The following SGSM2 variants were observed in gnomAD, a reference collection of about 807,000 sequenced individuals.
SGSM2 encodes RUN and TBC1 domain containing 1.
A neutral mutation model predicts 126.6 loss-of-function variants in SGSM2; 89 were observed. The ratio of observed to expected loss-of-function variants is 0.70; its 90% CI spans 0.59 to 0.84. The LOEUF (loss-of-function observed/expected upper bound fraction) is 0.84, where lower values mean the gene tolerates loss of function less well. SGSM2 is among the 40% of genes least tolerant of loss of function. SGSM2 has a pLI of 0.00. For missense variants in SGSM2, 1,404 were observed against 1,416.6 expected, an observed-to-expected ratio of 0.99 and a Z score of 0.14; for synonymous variants, 614 against 574.3, an observed-to-expected ratio of 1.07 and a Z score of -0.99.
rs201610701 is a variant in SGSM2 at position 2,367,352 on chromosome 17, C to T, written c.1370C>T (p.Ala457Val). 57 of 1,614,074 alleles carry T rather than the reference C, an allele frequency of 3.5e-5. No homozygotes were observed. The highest frequency in any genetic ancestry group is 3.6e-5 in the Non-Finnish European group (43 of 1,180,034). ...DDEEEEDKLH[A>V]MLSMICSRNL... The stretch of plus-strand genomic sequence containing the variant: ...GAGGAAGAGGAGGATAAACTGCACG[C>T]GATGCTCTCAATGATCTGCTCGCGG... The change falls in exon 12 of 24, where the codon GCG (alanine) becomes GTG (valine). Residue 457 changes from alanine (A) to valine (V), a missense_variant. Physicochemically the swap from Ala to Val is moderately conservative, Grantham distance 64 (BLOSUM62 0). Coordinates refer to ENST00000268989, the MANE Select transcript of SGSM2 (RefSeq NM_014853.3). The surrounding 1 kb of genome is among the most constrained non-coding windows in gnomAD (Gnocchi z 4.0).
At position 2,363,584 on chromosome 17, in the gene SGSM2, C is replaced by T. The variant is rs747636899; in HGVS notation, c.792C>T (p.His264=). ...SRTRLLYGKN[H]VLVQPKEDME... is the part of the protein sequence containing the mutation. ...CGCGGCTGCTCTATGGCAAGAACCACGTGCTGGTGCAGCCGGTAGGAAAGC... is the reference window on the plus strand; with the variant it reads ...CGCGGCTGCTCTATGGCAAGAACCATGTGCTGGTGCAGCCGGTAGGAAAGC... The change falls in exon 7 of 24, where the codon CAC becomes CAT. Residue 264 remains histidine, a synonymous_variant. Transcript: ENST00000268989. This position sits in a 1 kb window ranked among gnomAD's most constrained non-coding sequence, Gnocchi z 4.2. 1.9e-5 allele frequency: 31 copies of T among 1,612,844 alleles called. No individual in the cohort carries two copies. Among genetic ancestry groups the T allele is most frequent in the East Asian group, 2.2e-5 (1 of 44,866 alleles).
rs948033682 is a variant in SGSM2 at position 2,337,879 on chromosome 17, G to A, written c.57+134G>A. 1.9e-5 allele frequency: 9 copies of A among 466,346 alleles called. No homozygotes were observed. The highest frequency in any genetic ancestry group is 2.7e-5 in the Non-Finnish European group (8 of 291,298). 28.9% of individuals were successfully genotyped at this position (466,346 alleles called of 1,614,324 possible). A position where few individuals can be genotyped will look rare whatever the true frequency, so the allele number is the denominator to read the frequency against. On this transcript the variant is annotated intron_variant, in intron 1 of 23. Transcript: ENST00000268989. This position sits in a 1 kb window ranked among gnomAD's most constrained non-coding sequence, Gnocchi z 5.1. Reference sequence around the variant, plus strand: ...GCCGGGCGGGGCGGGTCCTGGACGGGCTGCGCCTCCTTCCCCTTTCTCGGA... The same window carrying A: ...GCCGGGCGGGGCGGGTCCTGGACGGACTGCGCCTCCTTCCCCTTTCTCGGA...
In SGSM2 at chr17:2,371,277, T is replaced by G. The variant is rs768176977; in HGVS notation, c.1439T>G (p.Ile480Ser). 1 of 1,612,030 alleles carries G rather than the reference T, an allele frequency of 6.2e-7. No homozygotes were observed. The highest frequency in any genetic ancestry group is 1.1e-5 in the South Asian group (1 of 91,022). Reference sequence around the variant, plus strand: ...CTGCCCGCAGACGCTGGTGACATGATCGAGATGCAGGGCTTTGGGCCCAGC... The same window carrying G: ...CTGCCCGCAGACGCTGGTGACATGAGCGAGATGCAGGGCTTTGGGCCCAGC... ...PNPMKDAGDM[I>S]EMQGFGPSLP... is the part of the protein sequence containing the mutation. The change falls in exon 13 of 24, where the codon ATC becomes AGC. Residue 480 changes from isoleucine (I) to serine (S), a missense_variant. By Grantham distance (142) the Ile-to-Ser change is moderately radical. Transcript: ENST00000268989.
intron 8 of SGSM2, 85 bp from the exon 9 acceptor site, chr17:2,364,511 G>A (rs768630714): frequency 1.6e-5 from 24 of 1,456,900 alleles, no homozygotes; most frequent in South Asian, 1.5e-4. Flanking sequence ...GGGGAGTTTC[G>A]TGGGGTGGTA....
Position 2,381,044 on chromosome 17 carries a change from A to G in SGSM2, c.*1524A>G, listed in dbSNP as rs1162434870. 4 of 152,300 alleles carry G rather than the reference A, an allele frequency of 2.6e-5. No individual in the cohort carries two copies. Among genetic ancestry groups the G allele is most frequent in the Admixed American group, 2.0e-4 (3 of 15,290 alleles). The allele number at this position is 152,300 out of a possible 1,614,324, so 9.4% of individuals were successfully genotyped here. Reference sequence around the variant, plus strand: ...TCTGTGTAACAGACCAATAAACAACATTTGTCAACACTGGAGCCTCTGGGA... The same window carrying G: ...TCTGTGTAACAGACCAATAAACAACGTTTGTCAACACTGGAGCCTCTGGGA... On this transcript the variant is annotated 3_prime_UTR_variant, in exon 24 of 24. Transcript: ENST00000268989.
Position 2,363,470 on chromosome 17 carries a change from G to A in SGSM2, c.678G>A (p.Arg226=), listed in dbSNP as rs776365428. The change falls in exon 7 of 24, where the codon CGG becomes CGA. Residue 226 remains arginine (R), a synonymous_variant. Coordinates refer to ENST00000268989, the MANE Select transcript of SGSM2 (RefSeq NM_014853.3). This position sits in a 1 kb window ranked among gnomAD's most constrained non-coding sequence, Gnocchi z 4.2. ...SPAKRPALGI[R]KRHSSGSASE... ...AGCCCCGGCCTTCCACACAGATCCG[G>A]AAACGGCACTCAAGCGGCAGCGCGT... 1.9e-6 allele frequency: 3 copies of A among 1,613,164 alleles called. No individual in the cohort carries two copies. The African/African-American group carries it at 4.0e-5, about 22-fold the overall frequency.
At chr17:2,379,226 A>C (rs758793595) in intron 23 of SGSM2, 23 bp downstream of exon 23, 1 of 1,613,476 alleles carries the variant, frequency 6.2e-7, no homozygotes, top group Non-Finnish European at 8.5e-7. Context: ...CCAGCCATCC[A>C]GGCTGCCCTG....
chr17:2,380,551 A>C lies in SGSM2; in HGVS notation c.*1031A>C. On this transcript the variant is annotated 3_prime_UTR_variant, in exon 24 of 24. Transcript: ENST00000268989. ...CCTTCCACATGCTTCTCAGGATGCC[A>C]AGAGGCCTAGGAACCCAGAAACCCC... 1.8e-6 allele frequency: 1 copy of C among 566,900 alleles called. No homozygotes were observed. Among genetic ancestry groups the C allele is most frequent in the South Asian group, 2.0e-5 (1 of 49,764 alleles). The allele number at this position is 566,900 out of a possible 1,614,324, so 35.1% of individuals were successfully genotyped here. A position where few individuals can be genotyped will look rare whatever the true frequency, so the allele number is the denominator to read the frequency against.
At chr17:2,361,280 G>A (rs886592545) in intron 2 of SGSM2, among the ~76,000 whole-genome samples, 2 of 152,320 alleles carry the variant, frequency 1.3e-5, no homozygotes, top group East Asian at 3.9e-4. Flanking sequence ...CTCCCGAGTC[G>A]GGTGTTCCTC....
chr17:2,366,055 T>C (rs904009525), intron 11 of SGSM2, among the ~76,000 whole-genome samples: 1 of 152,148 alleles, frequency 6.6e-6, no homozygotes, highest in Non-Finnish European at 1.5e-5. Flanking sequence ...GCGCTTCTTT[T>C]TGGATGGTGA....
chr17:2,340,685 C>T (rs528814996), intron 1 of SGSM2, among the ~76,000 whole-genome samples: 4 of 151,728 alleles, frequency 2.6e-5, no homozygotes, highest in East Asian at 3.9e-4. Context: ...CCCGGGTTCA[C>T]GCCTTTCTCC....
At position 2,379,675 on chromosome 17, in the gene SGSM2, A is replaced by ACCAT; in HGVS notation, c.*157_*158insATCC. The ACCAT allele has an allele frequency of 6.9e-7, 1 of 1,441,588 alleles. No individual in the cohort carries two copies. Among genetic ancestry groups the ACCAT allele is most frequent in the Non-Finnish European group, 9.1e-7 (1 of 1,094,060 alleles). The allele number at this position is 1,441,588 out of a possible 1,614,324, so 89.3% of individuals were successfully genotyped here. ...CTGGATCCGACTCCCGGCAGTGCTG[A>ACCAT]CCCTGCAGGGCAAGTCAGGGGCCAG... On this transcript the variant is annotated 3_prime_UTR_variant, in exon 24 of 24. Coordinates refer to ENST00000268989, the MANE Select transcript of SGSM2 (RefSeq NM_014853.3).
At chr17:2,353,766 T>A (rs1192389124) in intron 2 of SGSM2, among the ~76,000 whole-genome samples, 2 of 149,178 alleles carry the variant, frequency 1.3e-5, no homozygotes, top group Non-Finnish European at 1.5e-5. Flanking sequence ...ACTCTGTCTT[T>A]AAAAAAAAAA....
At chr17:2,365,093 G>A (rs1273410199) in intron 10 of SGSM2, 36 bp downstream of exon 10, 1 of 1,605,172 alleles carries the variant, frequency 6.2e-7, no homozygotes, top group East Asian at 2.2e-5. Context: ...GAAGGGCTGT[G>A]TGTGGGGTTC....
intron 2 of SGSM2, among the ~76,000 whole-genome samples, chr17:2,352,885 C>A: frequency 7.5e-6 from 1 of 132,492 alleles, no homozygotes; most frequent in African/African-American, 3.0e-5. Flanking sequence ...TCACGCCATT[C>A]TCCTGCCTCA....
chr17:2,373,008 A>C lies in SGSM2; in HGVS notation c.1844A>C (p.Glu615Ala). Residue 615 changes from glutamate to alanine, a missense_variant, in exon 16 of 24, where the codon GAG becomes GCG. Coordinates refer to ENST00000268989, the MANE Select transcript of SGSM2 (RefSeq NM_014853.3). ...RQVYYGGIEHEIRKDVWPFLL... is the reference protein window; with the variant it reads ...RQVYYGGIEHAIRKDVWPFLL... Reference sequence around the variant, plus strand: ...GTTTACTACGGAGGCATAGAGCACGAGATCCGCAAGGACGTCTGGCCCTTT... The same window carrying C: ...GTTTACTACGGAGGCATAGAGCACGCGATCCGCAAGGACGTCTGGCCCTTT... The C allele has an allele frequency of 6.3e-7, 1 of 1,598,468 alleles. No homozygotes were observed. The highest frequency in any genetic ancestry group is 8.5e-7 in the Non-Finnish European group (1 of 1,172,430).
At position 2,376,953 on chromosome 17, in the gene SGSM2, C is replaced by T. The variant is rs747997022; in HGVS notation, c.2693-6C>T. 30 of 1,611,946 alleles carry T rather than the reference C, an allele frequency of 1.9e-5. No individual in the cohort carries two copies. The highest frequency in any genetic ancestry group is 2.3e-5 in the Non-Finnish European group (27 of 1,178,600). On this transcript the variant is annotated splice_polypyrimidine_tract_variant and splice_region_variant and intron_variant, in intron 20 of 23. Coordinates refer to ENST00000268989, the MANE Select transcript of SGSM2 (RefSeq NM_014853.3). ...CCCTGCCAGCTTCACTCCTGTCTCCCCTCAGATCAGCTGGCCTACAGCTGC... is the reference window on the plus strand; with the variant it reads ...CCCTGCCAGCTTCACTCCTGTCTCCTCTCAGATCAGCTGGCCTACAGCTGC...
intron 1 of SGSM2, among the ~76,000 whole-genome samples, chr17:2,343,153 G>C (rs1240129293): frequency 6.6e-6 from 1 of 152,176 alleles, no homozygotes; most frequent in Non-Finnish European, 1.5e-5. Flanking sequence ...GAGAAAAGGA[G>C]GAGGGGCAGG....
At chr17:2,379,319 C>A in intron 23 of SGSM2, 113 bp from the exon 24 acceptor site, 1 of 1,564,614 alleles carries the variant, frequency 6.4e-7, no homozygotes, top group Non-Finnish European at 8.7e-7. Flanking sequence ...CCCCAAAGGC[C>A]GGGATGTCAA....
Sources: allele counts gnomAD v4.1 joint callset (sites outside exome capture counted in the v4.1 genomes callset), GRCh38; gene constraint gnomAD v4.1.1; non-coding constraint Gnocchi (gnomAD v3.1); transcripts MANE v1.5; gene names NCBI Gene and HGNC (gene_info 2026-07-23, HGNC 2026-07-21).